DPP6: variants seen among roughly 807,000 people sequenced by gnomAD.
DPP6 encodes A-type potassium channel modulatory protein DPP6.
DPP6 carries 69 observed loss-of-function variants against 122.6 expected under a neutral mutation model. The observed-to-expected ratio is 0.56, with a 90% CI of 0.46 to 0.69. The LOEUF (loss-of-function observed/expected upper bound fraction) is 0.69. Ranked by LOEUF, DPP6 falls within the 30% of genes least tolerant of loss-of-function variation. The pLI is 0.00. For synonymous variants in DPP6, 418 were observed against 433.1 expected (o/e 0.97, Z 0.43); for missense variants, 928 against 1,116.9 (o/e 0.83, Z 2.41).
chr7:154,797,682 G>C (rs1798125525), intron 12 of DPP6, among the ~76,000 whole-genome samples: 1 of 152,160 alleles, frequency 6.6e-6, no homozygotes, highest in Non-Finnish European at 1.5e-5. Flanking sequence ...GTTTATTTTG[G>C]GGTGGTGGAA....
chr7:154,398,716 G>T (rs745914510), intron 1 of DPP6, among the ~76,000 whole-genome samples: 4 of 152,022 alleles, frequency 2.6e-5, no homozygotes, highest in Non-Finnish European at 4.4e-5. Flanking sequence ...CACATCACTT[G>T]TCTCCCAGAG....
intron 1 of DPP6, among the ~76,000 whole-genome samples, chr7:154,041,740 TCTC>T (rs1015559633): frequency 6.6e-6 from 1 of 151,492 alleles, no homozygotes; most frequent in African/African-American, 2.4e-5. Flanking sequence ...GGCCCCTTCT[TCTC>T]ATGTTTGTTT....
intron 8 of DPP6, among the ~76,000 whole-genome samples, chr7:154,735,986 A>G (rs770938717): frequency 2.0e-5 from 3 of 152,186 alleles, no homozygotes; most frequent in Non-Finnish European, 4.4e-5. Flanking sequence ...CAACGTAGCA[A>G]TCATGGCATC....
At position 153,928,395 on chromosome 7, in the gene DPP6, C is replaced by CTTTTTTT. The variant is rs1467865041; in HGVS notation, c.51+40661_51+40662insTTTTTTT. Among the ~76,000 whole-genome samples the CTTTTTTT allele has an allele frequency of 7.5e-3, 224 of 29,852 alleles. 1 individual carries two copies. The highest frequency in any genetic ancestry group is 0.011 in the African/African-American group (80 of 7,446). 19.6% of individuals were successfully genotyped at this position (29,852 alleles called of 152,430 possible). On this transcript the variant is annotated intron_variant, in intron 1 of 25. Coordinates refer to the DPP6 transcript ENST00000404039. ...CCTGGCTAATTTTTTTCTTTTCTTT[C>CTTTTTTT]ATTTTTTTTTTTTTTTTTTTTTTTT... is the stretch of plus-strand genomic sequence containing the variant.
chr7:154,817,616 A>G (rs1563244861), intron 16 of DPP6, among the ~76,000 whole-genome samples: 1 of 152,230 alleles, frequency 6.6e-6, no homozygotes, highest in African/African-American at 2.4e-5. Flanking sequence ...TGATGATGTC[A>G]TGAACATCAT....
chr7:153,974,871 C>T (rs1301689941), intron 1 of DPP6, among the ~76,000 whole-genome samples: 2 of 152,202 alleles, frequency 1.3e-5, no homozygotes, highest in Non-Finnish European at 2.9e-5. Flanking sequence ...AAACCAGAAC[C>T]AAGCCTGCAG....
intron 1 of DPP6, among the ~76,000 whole-genome samples, chr7:154,023,808 T>C (rs1198182225): frequency 3.9e-5 from 6 of 151,954 alleles, no homozygotes; most frequent in Non-Finnish European, 8.8e-5. Flanking sequence ...ACATAACAGA[T>C]TGTATTACAA....
At chr7:154,115,727 T>A (rs550739474) in intron 1 of DPP6, among the ~76,000 whole-genome samples, 2 of 152,276 alleles carry the variant, frequency 1.3e-5, no homozygotes, top group Admixed American at 1.3e-4. Flanking sequence ...TTCTTCACAT[T>A]TGGTTGGTTG....
chr7:154,873,884 G>GCA (rs199683789), intron 19 of DPP6, among the ~76,000 whole-genome samples: 4 of 127,412 alleles, frequency 3.1e-5, no homozygotes, highest in Admixed American at 3.1e-4. Context: ...GCACACACAT[G>GCA]CACACACACG....
chr7:154,272,115 T>C (rs1240926347), intron 1 of DPP6, among the ~76,000 whole-genome samples: 4 of 152,232 alleles, frequency 2.6e-5, no homozygotes, highest in Non-Finnish European at 5.9e-5. Flanking sequence ...GTACCCTGAA[T>C]TGTTCACTTT....
chr7:154,245,679 T>C (rs1461496853), intron 1 of DPP6, among the ~76,000 whole-genome samples: 1 of 143,690 alleles, frequency 7.0e-6, no homozygotes, highest in Non-Finnish European at 1.5e-5. Context: ...TATCAGAAAA[T>C]GTAGACTTCG....
At chr7:153,974,297 A>G (rs1169986631) in intron 1 of DPP6, among the ~76,000 whole-genome samples, 1 of 152,188 alleles carries the variant, frequency 6.6e-6, no homozygotes, top group Non-Finnish European at 1.5e-5. Context: ...AGCATGCTTC[A>G]TCTTGCTCTG....
chr7:153,961,907 G>A (rs1474879664), intron 1 of DPP6, among the ~76,000 whole-genome samples: 1 of 147,172 alleles, frequency 6.8e-6, no homozygotes, highest in South Asian at 2.3e-4. Flanking sequence ...GGGAGCGGCT[G>A]TAAGTACAGA....
At chr7:154,724,926 A>G (rs1841994185) in intron 7 of DPP6, among the ~76,000 whole-genome samples, 1 of 152,210 alleles carries the variant, frequency 6.6e-6, no homozygotes, top group Non-Finnish European at 1.5e-5. Context: ...GGCAAATTGT[A>G]TGTAATGCAT....
intron 4 of DPP6, among the ~76,000 whole-genome samples, chr7:154,546,439 C>G (rs1191185341): frequency 1.3e-5 from 2 of 150,362 alleles, no homozygotes; most frequent in South Asian, 2.1e-4. Flanking sequence ...TATGTAAGAG[C>G]TGTAGACAGT....
At chr7:154,853,362 G>A (rs1802555001) in intron 16 of DPP6, among the ~76,000 whole-genome samples, 1 of 152,254 alleles carries the variant, frequency 6.6e-6, no homozygotes. Flanking sequence ...CCCATTGGAT[G>A]GAGTGACATC....
At chr7:154,063,055 CGAGAGTGGG>C (rs1802247999) in intron 1 of DPP6, among the ~76,000 whole-genome samples, 1 of 118,200 alleles carries the variant, frequency 8.5e-6, no homozygotes, top group African/African-American at 3.3e-5. Flanking sequence ...GCACCCCCCA[CGAGAGTGGG>C]GACTGAGAGC....
intron 1 of DPP6, among the ~76,000 whole-genome samples, chr7:154,438,165 G>GA (rs2151272424): frequency 6.6e-6 from 1 of 152,066 alleles, no homozygotes; most frequent in East Asian, 1.9e-4. Context: ...AAGTAAAATG[G>GA]AAAATGAAAT....
chr7:154,246,219 C>T (rs62484158), intron 1 of DPP6, among the ~76,000 whole-genome samples: 20,921 of 151,988 alleles, frequency 0.14, 1,783 homozygotes, highest in Non-Finnish European at 0.19. Flanking sequence ...AACAATATGT[C>T]AAGGCTTTCT....
Sources: allele counts gnomAD v4.1 joint callset (sites outside exome capture counted in the v4.1 genomes callset), GRCh38; gene constraint gnomAD v4.1.1; transcripts MANE v1.5; gene names NCBI Gene and HGNC (gene_info 2026-07-23, HGNC 2026-07-21).